Variants in KCND2 observed in about 807,000 individuals in gnomAD.
KCND2 encodes A-type voltage-gated potassium channel KCND2.
KCND2 carries 16 observed loss-of-function variants against 54.4 expected under a neutral mutation model. The ratio of observed to expected loss-of-function variants is 0.29; its 90% CI spans 0.20 to 0.45. The LOEUF (loss-of-function observed/expected upper bound fraction) is 0.45. Ranked by LOEUF, KCND2 falls within the 20% of genes least tolerant of loss-of-function variation. KCND2 has a pLI of 1.00. For missense variants in KCND2, 486 were observed against 824.2 expected (o/e 0.59, Z 5.02); for synonymous variants, 317 against 310.7 (o/e 1.02, Z -0.21).
intron 1 of KCND2, among the ~76,000 whole-genome samples, chr7:120,423,868 G>A (rs1475290803): frequency 6.6e-6 from 1 of 152,110 alleles, no homozygotes; most frequent in African/African-American, 2.4e-5. Flanking sequence ...TTTTCTATCA[G>A]AGCATTTTAA....
intron 1 of KCND2, among the ~76,000 whole-genome samples, chr7:120,657,631 G>A (rs1266993921): frequency 2.0e-5 from 3 of 152,096 alleles, no homozygotes; most frequent in African/African-American, 7.2e-5. Context: ...GCAAGAGGAT[G>A]ACTTGACTCC....
At chr7:120,539,535 G>T (rs1562867679) in intron 1 of KCND2, among the ~76,000 whole-genome samples, 1 of 152,142 alleles carries the variant, frequency 6.6e-6, no homozygotes, top group Non-Finnish European at 1.5e-5. Flanking sequence ...ACTTGCTGGC[G>T]TCCCTCCTGG....
At chr7:120,468,414 A>G (rs1332648429) in intron 1 of KCND2, among the ~76,000 whole-genome samples, 1 of 152,062 alleles carries the variant, frequency 6.6e-6, no homozygotes, top group African/African-American at 2.4e-5. Context: ...ACATCATCAT[A>G]AAAGGTGTCC....
chr7:120,421,980 G>A (rs1415065518), intron 1 of KCND2, among the ~76,000 whole-genome samples: 1 of 152,194 alleles, frequency 6.6e-6, no homozygotes, highest in Admixed American at 6.5e-5. Context: ...AGACCCAGCA[G>A]GATGGAGGAA....
chr7:120,652,104 T>C (rs898363881), intron 1 of KCND2, among the ~76,000 whole-genome samples: 4 of 149,874 alleles, frequency 2.7e-5, no homozygotes, highest in Non-Finnish European at 5.9e-5. Flanking sequence ...TGAGATGGAG[T>C]CTTGCTCTGT....
chr7:120,455,402 G>C (rs747877743), intron 1 of KCND2, among the ~76,000 whole-genome samples: 71 of 152,196 alleles, frequency 4.7e-4, no homozygotes, highest in Non-Finnish European at 8.5e-4. Context: ...AATTAGTTCA[G>C]CTATAGTGGA....
intron 1 of KCND2, among the ~76,000 whole-genome samples, chr7:120,442,805 A>G (rs898925654): frequency 6.6e-6 from 1 of 152,154 alleles, no homozygotes; most frequent in Non-Finnish European, 1.5e-5. Flanking sequence ...CATCATTTCC[A>G]GCCCTTGCTT....
At chr7:120,648,114 C>T (rs1184337528) in intron 1 of KCND2, among the ~76,000 whole-genome samples, 1 of 152,014 alleles carries the variant, frequency 6.6e-6, no homozygotes, top group Non-Finnish European at 1.5e-5. Context: ...ATAGGTTTTC[C>T]TGTCCTCCTA....
chr7:120,331,269 C>G (rs1800065057), intron 1 of KCND2, among the ~76,000 whole-genome samples: 1 of 151,944 alleles, frequency 6.6e-6, no homozygotes, highest in African/African-American at 2.4e-5. Flanking sequence ...CATTTTGAAG[C>G]AAATTAATAA....
At chr7:120,376,750 A>G (rs927713859) in intron 1 of KCND2, among the ~76,000 whole-genome samples, 2 of 151,730 alleles carry the variant, frequency 1.3e-5, no homozygotes, top group Non-Finnish European at 1.5e-5. Flanking sequence ...AGCTCAATCC[A>G]TTTTATCTAA....
intron 1 of KCND2, among the ~76,000 whole-genome samples, chr7:120,370,745 A>C (rs1037191051): frequency 6.6e-6 from 1 of 152,054 alleles, no homozygotes; most frequent in Non-Finnish European, 1.5e-5. Flanking sequence ...AGTTGGATTT[A>C]AATCTTGGTG....
At chr7:120,419,956 T>TC (rs1220218380) in intron 1 of KCND2, among the ~76,000 whole-genome samples, 6 of 147,718 alleles carry the variant, frequency 4.1e-5, no homozygotes, top group Non-Finnish European at 5.9e-5. Context: ...TCTTTTTTTT[T>TC]CCCTCCCTTC....
intron 1 of KCND2, among the ~76,000 whole-genome samples, chr7:120,307,199 C>T (rs926552728): frequency 2.6e-5 from 4 of 151,478 alleles, no homozygotes; most frequent in African/African-American, 7.3e-5. Context: ...CTTTGTTTAA[C>T]TTCATTTTTA....
intron 1 of KCND2, among the ~76,000 whole-genome samples, chr7:120,554,477 C>G (rs1286180949): frequency 6.6e-6 from 1 of 151,854 alleles, no homozygotes; most frequent in African/African-American, 2.4e-5. Context: ...GGCGCGATCT[C>G]AGCTCACTGC....
chr7:120,579,621 TAAATAAATA>T (rs1792488040), intron 1 of KCND2, among the ~76,000 whole-genome samples: 1 of 143,252 alleles, frequency 7.0e-6, no homozygotes, highest in Non-Finnish European at 1.5e-5. Context: ...AATAAATAAA[TAAATAAATA>T]AATAAATAAA....
At chr7:120,737,978 GTC>G (rs1330029065) in intron 2 of KCND2, among the ~76,000 whole-genome samples, 4 of 151,816 alleles carry the variant, frequency 2.6e-5, no homozygotes, top group African/African-American at 9.7e-5. Context: ...AGAAATCAAT[GTC>G]TCAGTGGTGT....
intron 1 of KCND2, among the ~76,000 whole-genome samples, chr7:120,447,482 C>T (rs1356691346): frequency 6.6e-6 from 1 of 151,950 alleles, no homozygotes; most frequent in Non-Finnish European, 1.5e-5. Context: ...CATATTGTAA[C>T]TGAAAAGAAG....
At chr7:120,606,653 G>A (rs1348830767) in intron 1 of KCND2, among the ~76,000 whole-genome samples, 1 of 151,982 alleles carries the variant, frequency 6.6e-6, no homozygotes, top group African/African-American at 2.4e-5. Context: ...CTTGGCAGCT[G>A]TGTCAAAAAT....
At chr7:120,322,842 T>C (rs574854613) in intron 1 of KCND2, among the ~76,000 whole-genome samples, 28 of 152,238 alleles carry the variant, frequency 1.8e-4, no homozygotes, top group African/African-American at 6.5e-4. Flanking sequence ...GTTAGATCAA[T>C]CAATTCTTTG....
Sources: gnomAD v4.1 joint callset for allele counts (sites outside exome capture counted in the v4.1 genomes callset) on GRCh38, gnomAD v4.1.1 for gene constraint, MANE v1.5 for transcripts, NCBI Gene and HGNC (gene_info 2026-07-23, HGNC 2026-07-21) for gene names.